HGFAC: variants seen among roughly 807,000 people sequenced by gnomAD.
HGFAC encodes the protein HGF activator.
In HGFAC, 76 loss-of-function variants were observed where a neutral mutation model predicts 70.6. The ratio of observed to expected loss-of-function variants is 1.08; its 90% CI spans 0.89 to 1.30. The LOEUF is 1.30. HGFAC is among the 50% of genes most tolerant of loss of function. The pLI is 0.00. For missense variants in HGFAC, 1,044 were observed against 933.7 expected (o/e 1.12, Z -1.54); for synonymous variants, 464 against 405.3 (o/e 1.14, Z -1.74).
At position 3,443,163 on chromosome 4, in the gene HGFAC, G is replaced by T. The variant is rs746494137; in HGVS notation, c.395+17G>T. On this transcript the variant is annotated intron_variant, in intron 3 of 13. Transcript: ENST00000382774. ...CAGGAAGTGGTGGGTCCGGGCAGCC[G>T]GGGCACCCGAGCTGGGGTCACCTGC... 2 of 1,495,596 alleles carry T rather than the reference G, an allele frequency of 1.3e-6. No individual in the cohort carries two copies. Among genetic ancestry groups the T allele is most frequent in the Non-Finnish European group, 1.8e-6 (2 of 1,119,720 alleles). The allele number at this position is 1,495,596 out of a possible 1,614,324, so 92.6% of individuals were successfully genotyped here. A position where few individuals can be genotyped will look rare whatever the true frequency, so the allele number is the denominator to read the frequency against.
intron 4 of HGFAC, 135 bp from the exon 5 acceptor site, chr4:3,443,904 G>C: frequency 5.3e-6 from 5 of 950,466 alleles, no homozygotes; most frequent in Non-Finnish European, 7.8e-6. Context: ...TGCACCCCGA[G>C]GGGCGTAGAG....
Position 3,447,577 on chromosome 4 carries a change from A to C in HGFAC, c.1441A>C (p.Lys481Gln). 6.2e-7 allele frequency: 1 copy of C among 1,612,640 alleles called. No individual in the cohort carries two copies. The highest frequency in any genetic ancestry group is 1.3e-5 in the African/African-American group (1 of 75,050). ...CGTGACGCAGACCTTCGGCATCGAG[A>C]AGTACATCCCGTACACCCTGTACTC... Reference protein sequence around the residue: ...TDVTQTFGIEKYIPYTLYSVF... With the variant: ...TDVTQTFGIEQYIPYTLYSVF... The change falls in exon 11 of 14, where the codon AAG becomes CAG. Residue 481 changes from lysine to glutamine, a missense_variant. Physicochemically the swap from Lys to Gln is moderately conservative, Grantham distance 53. Coordinates refer to ENST00000382774, the MANE Select transcript of HGFAC (RefSeq NM_001528.4).
rs572881378 is a variant in HGFAC at position 3,444,637 on chromosome 4, C to G, written c.745C>G (p.Pro249Ala). ...GTRHTACLSS[P>A]CLNGGTCHLI... ...CCTGCCCCCAGCTTGTCTGAGCAGC[C>G]CTTGCCTGAACGGGGGCACCTGCCA... Residue 249 changes from proline (P) to alanine (A), a missense_variant, in exon 7 of 14, where the codon CCT becomes GCT. Pro to Ala is a conservative substitution (Grantham distance 27). Coordinates refer to ENST00000382774, the MANE Select transcript of HGFAC (RefSeq NM_001528.4). The G allele has an allele frequency of 6.3e-7, 1 of 1,596,404 alleles. No individual in the cohort carries two copies. Among genetic ancestry groups the G allele is most frequent in the Non-Finnish European group, 8.5e-7 (1 of 1,177,450 alleles).
At chr4:3,447,461 G>T (rs754713783) in intron 10 of HGFAC, 31 bp from the exon 11 acceptor site, 3 of 1,610,564 alleles carry the variant, frequency 1.9e-6, no homozygotes, top group Non-Finnish European at 1.7e-6. Flanking sequence ...GGGAGGGCTG[G>T]TCCATGCAGC....
chr4:3,447,292 G>A (rs1307155879), intron 10 of HGFAC, among the ~76,000 whole-genome samples, 200 bp from the exon 11 acceptor site: 1 of 152,178 alleles, frequency 6.6e-6, no homozygotes, highest in Non-Finnish European at 1.5e-5. Context: ...CTGGATCTGG[G>A]GGTGACTGGC....
chr4:3,448,054 GC>G lies in HGFAC; in HGVS notation c.1636+22del. ...GATGAGAGTGAGTTGGGAGGGGGGC[GC>G]CCAGCGCCCCGCCAGGGTGGACAGT... is the stretch of plus-strand genomic sequence containing the variant. On this transcript the variant is annotated intron_variant, in intron 12 of 13. Transcript: ENST00000382774. 6.4e-7 allele frequency: 1 copy of G among 1,550,808 alleles called. No individual in the cohort carries two copies. Among genetic ancestry groups the G allele is most frequent in the South Asian group, 1.2e-5 (1 of 84,166 alleles).
rs369859898 is a variant in HGFAC, at chr4:3,442,133, T to G, written c.117+15T>G. Reference sequence around the variant, plus strand: ...AGCCTGGCGGGGTGAGCACTGACCTTGTCGCAGTGCGACCAGAGGTTCCCA... The same window carrying G: ...AGCCTGGCGGGGTGAGCACTGACCTGGTCGCAGTGCGACCAGAGGTTCCCA... On this transcript the variant is annotated intron_variant, in intron 1 of 13. Transcript: ENST00000382774. 2.0e-6 allele frequency: 3 copies of G among 1,536,700 alleles called. No homozygotes were observed. Among genetic ancestry groups the G allele is most frequent in the Non-Finnish European group, 2.6e-6 (3 of 1,150,674 alleles).
At chr4:3,445,094 G>A (rs1011350994) in intron 8 of HGFAC, 101 bp downstream of exon 8, 29 of 1,372,114 alleles carry the variant, frequency 2.1e-5, no homozygotes, top group East Asian at 5.0e-5. Context: ...GGCCAGCTCC[G>A]TCCAGACAGG....
chr4:3,442,741 G>T lies in HGFAC; in HGVS notation c.127G>T (p.Glu43Ter). ...FQPQPGGNRT[E>*]SPEPNATATP... Reference sequence around the variant, plus strand: ...TTTCTGCTCCTCCTAGAACCGTACGGAGTCCCCAGAACCTAATGCCACAGC... The same window carrying T: ...TTTCTGCTCCTCCTAGAACCGTACGTAGTCCCCAGAACCTAATGCCACAGC... The change falls in exon 2 of 14, where the codon GAG (glutamate) becomes TAG (stop). Residue 43 changes from glutamate (E) to a stop codon, truncating the protein, a stop_gained. Coordinates refer to ENST00000382774, the MANE Select transcript of HGFAC (RefSeq NM_001528.4). LOFTEE classifies it high-confidence loss of function. 1 of 1,499,824 alleles carries T rather than the reference G, an allele frequency of 6.7e-7. No individual in the cohort carries two copies. The allele number at this position is 1,499,824 out of a possible 1,614,324, so 92.9% of individuals were successfully genotyped here.
rs1447820567 is a variant in HGFAC at position 3,444,159 on chromosome 4, C to T, written c.596C>T (p.Thr199Ile). The T allele has an allele frequency of 4.4e-6, 7 of 1,606,424 alleles. No homozygotes were observed. The South Asian group carries it at 5.5e-5, about 13-fold the overall frequency. ...PRAFTGKDCG[T>I]EKCFDETRYE... ...GCCTTCACCGGCAAGGACTGCGGCA[C>T]AGGTGAGCTGGGCCTCGGAGGTCCG... Residue 199 changes from threonine (T) to isoleucine (I), a missense_variant and splice_region_variant, in exon 5 of 14, where the codon ACA (threonine) becomes ATA (isoleucine). Physicochemically the swap from Thr to Ile is moderately conservative, Grantham distance 89 (BLOSUM62 -1). Transcript: ENST00000382774.
Position 3,444,655 on chromosome 4 carries a change from A to G in HGFAC, c.763A>G (p.Thr255Ala). 1 of 1,597,676 alleles carries G rather than the reference A, an allele frequency of 6.3e-7. No homozygotes were observed. The highest frequency in any genetic ancestry group is 8.5e-7 in the Non-Finnish European group (1 of 1,178,214). The change falls in exon 7 of 14, where the codon ACC (threonine) becomes GCC (alanine). Residue 255 changes from threonine (T) to alanine (A), a missense_variant. Transcript: ENST00000382774. ...CLSSPCLNGGTCHLIVATGTT... is the reference protein window; with the variant it reads ...CLSSPCLNGGACHLIVATGTT... ...GAGCAGCCCTTGCCTGAACGGGGGC[A>G]CCTGCCACCTGATCGTGGCCACCGG...
chr4:3,445,026 C>A, intron 8 of HGFAC, 33 bp downstream of exon 8: 2 of 1,515,708 alleles, frequency 1.3e-6, no homozygotes, highest in South Asian at 1.3e-5. Flanking sequence ...CCGCCGCATG[C>A]GGGGCAGGCA....
chr4:3,443,951 T>A (rs575933602), intron 4 of HGFAC, 88 bp from the exon 5 acceptor site: 2 of 1,424,230 alleles, frequency 1.4e-6, no homozygotes, highest in Non-Finnish European at 1.9e-6. Context: ...CACTGGGGCC[T>A]GATGGACGCC....
chr4:3,443,540 G>C (rs1228610460), intron 4 of HGFAC, 120 bp downstream of exon 4: 1 of 587,086 alleles, frequency 1.7e-6, no homozygotes, highest in Non-Finnish European at 2.8e-6. Context: ...CAGAAGAGGA[G>C]CTCTGGGATT....
In HGFAC at chr4:3,443,356, C is replaced by G. The variant is rs1303480250; in HGVS notation, c.411C>G (p.His137Gln). ...CGCCCCCCAGGTGTGCCACAACTCA[C>G]AACTACGACCGGGACAGGGCCTGGG... The part of the protein sequence containing the change: ...SAHRKWCATT[H>Q]NYDRDRAWGY... The change falls in exon 4 of 14, where the codon CAC becomes CAG. Residue 137 changes from histidine (H) to glutamine (Q), a missense_variant. By Grantham distance (24) the His-to-Gln change is conservative (BLOSUM62 0). Coordinates refer to ENST00000382774, the MANE Select transcript of HGFAC (RefSeq NM_001528.4). 1 of 1,541,324 alleles carries G rather than the reference C, an allele frequency of 6.5e-7. No homozygotes were observed. The highest frequency in any genetic ancestry group is 1.2e-5 in the South Asian group (1 of 82,834).
intron 10 of HGFAC, 79 bp downstream of exon 10, chr4:3,446,373 C>A: frequency 6.7e-7 from 1 of 1,498,278 alleles, no homozygotes; most frequent in Non-Finnish European, 8.9e-7. Context: ...TGTCCCCACC[C>A]GCTTGCGGAC....
At chr4:3,447,692 G>C in intron 11 of HGFAC, 61 bp downstream of exon 11, 3 of 1,599,388 alleles carry the variant, frequency 1.9e-6, no homozygotes, top group Non-Finnish European at 2.6e-6. Flanking sequence ...CCCCAGGCCA[G>C]GCCCAGACAG....
intron 13 of HGFAC, 146 bp from the exon 14 acceptor site, chr4:3,449,091 C>A: frequency 1.4e-6 from 1 of 706,486 alleles, no homozygotes; most frequent in Non-Finnish European, 2.3e-6. Flanking sequence ...GGGAATGAGA[C>A]ACCTTTTCAT....
intron 9 of HGFAC, chr4:3,445,675 G>A: frequency 3.3e-6 from 2 of 608,776 alleles, no homozygotes; most frequent in South Asian, 2.0e-5. Context: ...GAGGCCACCT[G>A]CTTCCTGCCC....
Sources: gnomAD v4.1 joint callset for allele counts (sites outside exome capture counted in the v4.1 genomes callset) on GRCh38, gnomAD v4.1.1 for gene constraint, MANE v1.5 for transcripts, NCBI Gene and HGNC (gene_info 2026-07-23, HGNC 2026-07-21) for gene names.